PDE4B: variants seen among roughly 807,000 people sequenced by gnomAD.
PDE4B encodes phosphodiesterase 4B.
In PDE4B, 20 loss-of-function variants were observed where a neutral mutation model predicts 82.2. The ratio of observed to expected loss-of-function variants is 0.24; its 90% confidence interval spans 0.17 to 0.35. The LOEUF is 0.35. Ranked by LOEUF, PDE4B falls within the 10% of genes least tolerant of loss-of-function variation. The probability of loss-of-function intolerance (pLI) is 1.00; values close to 1 mark genes in which losing one functional copy is unlikely to be tolerated. For missense variants in PDE4B, 655 were observed against 907.2 expected, an observed-to-expected ratio of 0.72 and a Z score of 3.57; for synonymous variants, 320 against 318.9, an observed-to-expected ratio of 1.00 and a Z score of -0.04.
chr1:66,268,746 C>T (rs1369949396), intron 7 of PDE4B, among the ~76,000 whole-genome samples: 9 of 151,528 alleles, frequency 5.9e-5, no homozygotes, highest in Admixed American at 5.9e-4. Context: ...TTCTCACTAT[C>T]CAGCCAAGGT....
rs750567917 is a variant in PDE4B, at chr1:65,798,548, G to A, written c.-71+5300G>A. The stretch of plus-strand genomic sequence containing the variant: ...GCTGGGATTACAGGCGTGAGCCACC[G>A]CGCCCGGCCGTGCCAGGCTAGTCTT... On this transcript the variant is annotated intron_variant, in intron 1 of 16. Coordinates refer to ENST00000341517, the MANE Select transcript of PDE4B (RefSeq NM_002600.4). Among the ~76,000 whole-genome samples the A allele has an allele frequency of 1.7e-3, 62 of 36,810 alleles. 20 individuals are homozygous for A. The highest frequency in any genetic ancestry group is 2.2e-3 in the Non-Finnish European group (54 of 24,016). 24.1% of individuals were successfully genotyped at this position (36,810 alleles called of 152,430 possible).
At chr1:66,258,749 T>G (rs943876315) in intron 6 of PDE4B, among the ~76,000 whole-genome samples, 1 of 152,194 alleles carries the variant, frequency 6.6e-6, no homozygotes, top group Non-Finnish European at 1.5e-5. Flanking sequence ...ATCCTATATC[T>G]CCAGTCTTTG....
chr1:66,088,377 C>A (rs1644941615), intron 3 of PDE4B, among the ~76,000 whole-genome samples: 1 of 151,958 alleles, frequency 6.6e-6, no homozygotes, highest in African/African-American at 2.4e-5. Flanking sequence ...GATAAAGAAG[C>A]CTGGGGCTCA....
intron 6 of PDE4B, among the ~76,000 whole-genome samples, chr1:66,265,611 G>A (rs1320469942): frequency 6.6e-6 from 1 of 152,068 alleles, no homozygotes; most frequent in East Asian, 1.9e-4. Flanking sequence ...CAAAAATTAG[G>A]GGCCTGAAGT....
At chr1:65,965,216 G>C (rs1006805872) in intron 3 of PDE4B, among the ~76,000 whole-genome samples, 1 of 152,066 alleles carries the variant, frequency 6.6e-6, no homozygotes, top group Non-Finnish European at 1.5e-5. Context: ...AACATGAATT[G>C]ATGCCTGCTT....
chr1:65,924,331 C>G (rs1487192027), intron 3 of PDE4B, among the ~76,000 whole-genome samples: 2 of 151,366 alleles, frequency 1.3e-5, no homozygotes, highest in African/African-American at 4.9e-5. Flanking sequence ...GCCTCGGCCT[C>G]CCAAAGTGCT....
At chr1:65,995,236 C>G (rs1651473793) in intron 3 of PDE4B, among the ~76,000 whole-genome samples, 1 of 152,042 alleles carries the variant, frequency 6.6e-6, no homozygotes, top group Non-Finnish European at 1.5e-5. Flanking sequence ...AAAACAGTTT[C>G]ACAGTTTGTT....
chr1:66,085,095 G>T (rs1028030052), intron 3 of PDE4B, among the ~76,000 whole-genome samples: 8 of 152,122 alleles, frequency 5.3e-5, no homozygotes, highest in African/African-American at 1.7e-4. Context: ...GCTCAGCAGT[G>T]GTCCCCAGTG....
chr1:66,170,779 G>A (rs906260307), intron 3 of PDE4B, among the ~76,000 whole-genome samples: 1 of 152,108 alleles, frequency 6.6e-6, no homozygotes, highest in Non-Finnish European at 1.5e-5. Flanking sequence ...TGGAATTATG[G>A]GTGGTGGAAT....
intron 7 of PDE4B, among the ~76,000 whole-genome samples, chr1:66,307,710 T>C (rs1658380274): frequency 6.6e-6 from 1 of 152,182 alleles, no homozygotes; most frequent in South Asian, 2.1e-4. Flanking sequence ...TGTTCAACTA[T>C]GGAAGCAGAA....
intron 3 of PDE4B, among the ~76,000 whole-genome samples, chr1:66,146,024 GT>G (rs1350281604): frequency 1.3e-5 from 2 of 152,116 alleles, no homozygotes; most frequent in African/African-American, 4.8e-5. Flanking sequence ...CATTTGACAG[GT>G]TAACTAGTCC....
chr1:66,011,754 G>C (rs1473499545), intron 3 of PDE4B, among the ~76,000 whole-genome samples: 2 of 152,094 alleles, frequency 1.3e-5, no homozygotes, highest in Non-Finnish European at 2.9e-5. Context: ...TTGGCAGGCA[G>C]AGGGTGACAA....
intron 7 of PDE4B, among the ~76,000 whole-genome samples, chr1:66,304,122 T>A (rs1658101709): frequency 6.6e-6 from 1 of 152,158 alleles, no homozygotes; most frequent in East Asian, 1.9e-4. Context: ...ATTTAGGAGT[T>A]AATAAGCATA....
intron 3 of PDE4B, among the ~76,000 whole-genome samples, chr1:66,196,512 C>T (rs1410210616): frequency 6.6e-6 from 1 of 152,134 alleles, no homozygotes; most frequent in Non-Finnish European, 1.5e-5. Flanking sequence ...ACATCAGTTG[C>T]CCCACTGTGA....
rs1553145368 is a variant in PDE4B at position 66,096,522 on chromosome 1, A to ATATATG, written c.282-150933_282-150932insGTATAT. Among the ~76,000 whole-genome samples, 638 of 138,422 alleles carry ATATATG rather than the reference A, an allele frequency of 4.6e-3. 9 individuals are homozygous for ATATATG. Among genetic ancestry groups the ATATATG allele is most frequent in the Admixed American group, 7.8e-3 (107 of 13,788 alleles). The allele number at this position is 138,422 out of a possible 152,430, so 90.8% of individuals were successfully genotyped here. ...AGTAAAAAAAATTATATATATATAT[A>ATATATG]TATATATATATATATATATACTGCA... is the stretch of plus-strand genomic sequence containing the variant. On this transcript the variant is annotated intron_variant, in intron 3 of 16. Transcript: ENST00000341517.
intron 3 of PDE4B, among the ~76,000 whole-genome samples, chr1:66,214,406 C>G (rs111419668): frequency 0.02 from 3,012 of 152,158 alleles, 60 homozygotes; most frequent in Non-Finnish European, 0.028. Flanking sequence ...ATAAGGCACA[C>G]ACAAGGGAGT....
chr1:65,829,256 C>T (rs1178060212), intron 1 of PDE4B, among the ~76,000 whole-genome samples: 1 of 152,046 alleles, frequency 6.6e-6, no homozygotes, highest in Non-Finnish European at 1.5e-5. Flanking sequence ...GCAAATTATC[C>T]AAGAAGATAT....
chr1:66,278,564 T>A (rs997721188), intron 7 of PDE4B, among the ~76,000 whole-genome samples: 27 of 152,240 alleles, frequency 1.8e-4, no homozygotes, highest in African/African-American at 6.3e-4. Context: ...GTCATCCTAC[T>A]AAGAACATAA....
intron 1 of PDE4B, among the ~76,000 whole-genome samples, chr1:65,892,304 A>G (rs1178273134): frequency 6.6e-6 from 1 of 152,058 alleles, no homozygotes; most frequent in Non-Finnish European, 1.5e-5. Flanking sequence ...CATAATATTG[A>G]TAGTAACTAA....
Sources: allele counts gnomAD v4.1 joint callset (sites outside exome capture counted in the v4.1 genomes callset), GRCh38; gene constraint gnomAD v4.1.1; transcripts MANE v1.5; gene names NCBI Gene and HGNC (gene_info 2026-07-23, HGNC 2026-07-21).